Variants in NMNAT1 observed in about 807,000 individuals in gnomAD.
The protein encoded by NMNAT1 is nicotinamide/nicotinic acid mononucleotide adenylyltransferase 1.
NMNAT1 carries 11 observed loss-of-function variants against 16.7 expected under a neutral mutation model. The observed-to-expected ratio is 0.66, with a 90% CI of 0.41 to 1.09. NMNAT1 has a LOEUF of 1.09. Among genes scored for constraint, NMNAT1 ranks in the 50% least tolerant of loss-of-function variants. NMNAT1 has a pLI of 0.00. For missense variants in NMNAT1, 280 were observed against 332.3 expected, an observed-to-expected ratio of 0.84 and a Z score of 1.22; for synonymous variants, 110 against 119.8, an observed-to-expected ratio of 0.92 and a Z score of 0.53.
chr1:9,993,168 G>A, the NMNAT1 span, among the ~76,000 whole-genome samples: 1 of 151,802 alleles, frequency 6.6e-6, no homozygotes, highest in African/African-American at 2.4e-5. Context: ...GAGAGAGAGT[G>A]CAAATTTCCT....
downstream of NMNAT1, among the ~76,000 whole-genome samples, chr1:9,988,918 A>T (rs986804524): frequency 1.3e-5 from 2 of 151,820 alleles, no homozygotes; most frequent in African/African-American, 4.8e-5. Context: ...CTGCCCCTCC[A>T]AGTGCTGGAA....
chr1:9,977,664 C>G (rs1309092935), intron 3 of NMNAT1, among the ~76,000 whole-genome samples: 1 of 151,764 alleles, frequency 6.6e-6, no homozygotes, highest in African/African-American at 2.4e-5. Flanking sequence ...TCCAGTAGTT[C>G]AAGACAAGCC....
Position 9,983,882 on chromosome 1 carries a change from A to C in NMNAT1, c.*1181A>C, listed in dbSNP as rs1182145505. The C allele has an allele frequency of 6.6e-6, 1 of 152,148 alleles. No homozygotes were observed. Among genetic ancestry groups the C allele is most frequent in the Non-Finnish European group, 1.5e-5 (1 of 68,034 alleles). The allele number at this position is 152,148 out of a possible 1,614,324, so 9.4% of individuals were successfully genotyped here. ...CTACACCTAGTTCATCTGAAGTGTC[A>C]CGTAAACTGCAGAAAGTTTCCAATG... is the stretch of plus-strand genomic sequence containing the variant. On this transcript the variant is annotated 3_prime_UTR_variant, in exon 5 of 5. Coordinates refer to ENST00000377205, the MANE Select transcript of NMNAT1 (RefSeq NM_022787.4).
chr1:9,973,114 C>A (rs1414610483), intron 2 of NMNAT1, among the ~76,000 whole-genome samples: 1 of 151,920 alleles, frequency 6.6e-6, no homozygotes, highest in Admixed American at 6.6e-5. Flanking sequence ...TTTCTTTTTT[C>A]TTTCTTTCTT....
At chr1:9,982,161 C>A in intron 4 of NMNAT1, 140 bp from the exon 5 acceptor site, 1 of 1,157,666 alleles carries the variant, frequency 8.6e-7, no homozygotes, top group Non-Finnish European at 1.2e-6. Context: ...CCGCACTCGG[C>A]CTAAGCCCTC....
At chr1:9,987,480 A>G (rs1041766548), downstream of NMNAT1, among the ~76,000 whole-genome samples, 1 of 151,782 alleles carries the variant, frequency 6.6e-6, no homozygotes, top group Non-Finnish European at 1.5e-5. Flanking sequence ...CTCACTAAAA[A>G]TACAAAAAAT....
chr1:9,945,625 G>A (rs946696307), intron 1 of NMNAT1, among the ~76,000 whole-genome samples: 8 of 152,210 alleles, frequency 5.3e-5, no homozygotes, highest in Admixed American at 2.6e-4. Context: ...GCTTGAACCC[G>A]GCAGGCGGAG....
chr1:9,973,981 G>T (rs1419671590), intron 2 of NMNAT1, among the ~76,000 whole-genome samples: 4 of 151,750 alleles, frequency 2.6e-5, no homozygotes, highest in Non-Finnish European at 5.9e-5. Flanking sequence ...GGGATTACAG[G>T]CACACAGCAC....
At chr1:9,966,829 A>G (rs1171245802) in intron 1 of NMNAT1, among the ~76,000 whole-genome samples, 3 of 152,306 alleles carry the variant, frequency 2.0e-5, no homozygotes, top group Admixed American at 2.0e-4. Context: ...CAGGTTACAC[A>G]TAAAGGAACA....
At chr1:9,975,803 G>A (rs913728902) in intron 3 of NMNAT1, 28 bp downstream of exon 3, 2 of 1,564,738 alleles carry the variant, frequency 1.3e-6, no homozygotes. Flanking sequence ...AACTTTGTCA[G>A]TTCTGTGTAA....
chr1:9,982,504 G>T lies in NMNAT1; in HGVS notation c.643G>T (p.Glu215Ter), dbSNP rs1345605596. 6.2e-7 allele frequency: 1 copy of T among 1,614,156 alleles called. No individual in the cohort carries two copies. The highest frequency in any genetic ancestry group is 1.7e-5 in the Admixed American group (1 of 59,988). ...KHRSNIHVVN[E>*]WIANDISSTK... ...CCGGAGCAACATTCACGTGGTGAAT[G>T]AATGGATCGCTAATGACATCTCATC... Residue 215 changes from glutamate (E) to a stop codon, truncating the protein, a stop_gained, in exon 5 of 5, where the codon GAA becomes TAA. Coordinates refer to ENST00000377205, the MANE Select transcript of NMNAT1 (RefSeq NM_022787.4). LOFTEE classifies it high-confidence loss of function.
intron 1 of NMNAT1, among the ~76,000 whole-genome samples, chr1:9,952,171 G>A (rs539315205): frequency 3.9e-5 from 6 of 152,080 alleles, no homozygotes; most frequent in Admixed American, 6.6e-5. Context: ...GCATGGTGGC[G>A]GGCACCTGTA....
At chr1:9,978,881 C>T (rs1641872686) in intron 3 of NMNAT1, among the ~76,000 whole-genome samples, 1 of 152,190 alleles carries the variant, frequency 6.6e-6, no homozygotes, top group African/African-American at 2.4e-5. Flanking sequence ...TTTAAGGCCT[C>T]AGGCCCTTGC....
intron 1 of NMNAT1, among the ~76,000 whole-genome samples, chr1:9,969,205 A>T (rs528845283): frequency 6.6e-6 from 1 of 152,212 alleles, no homozygotes; most frequent in East Asian, 1.9e-4. Context: ...CTACCTACCC[A>T]CTCAGCCTGT....
chr1:9,969,092 C>T (rs1224300044), intron 1 of NMNAT1, among the ~76,000 whole-genome samples: 5 of 151,964 alleles, frequency 3.3e-5, no homozygotes, highest in Non-Finnish European at 5.9e-5. Context: ...GTTATATAGG[C>T]GGGAAATTGT....
At chr1:9,965,190 G>A (rs532035794) in intron 1 of NMNAT1, among the ~76,000 whole-genome samples, 25 of 149,030 alleles carry the variant, frequency 1.7e-4, no homozygotes, top group South Asian at 4.2e-4. Flanking sequence ...GGTGGCGTGG[G>A]CCTGTAGTCC....
chr1:9,981,240 ATTTT>A (rs747818869), intron 4 of NMNAT1, 70 bp downstream of exon 4: 4 of 1,386,546 alleles, frequency 2.9e-6, no homozygotes, highest in Non-Finnish European at 2.9e-6. Flanking sequence ...ACCCCTGTGT[ATTTT>A]TTTTTTTTTA....
At chr1:9,953,424 G>A (rs1253667664) in intron 1 of NMNAT1, among the ~76,000 whole-genome samples, 1 of 148,526 alleles carries the variant, frequency 6.7e-6, no homozygotes, top group Non-Finnish European at 1.5e-5. Context: ...TTACAGGCCT[G>A]CACCACCACA....
chr1:9,977,588 C>G (rs78991739), intron 3 of NMNAT1, among the ~76,000 whole-genome samples: 4,728 of 151,752 alleles, frequency 0.031, 105 homozygotes, highest in Non-Finnish European at 0.052. Flanking sequence ...GAGCTGAGGC[C>G]GGGCGTGGTA....
Sources: gnomAD v4.1 joint callset for allele counts (sites outside exome capture counted in the v4.1 genomes callset) on GRCh38, gnomAD v4.1.1 for gene constraint, MANE v1.5 for transcripts, NCBI Gene and HGNC (gene_info 2026-07-23, HGNC 2026-07-21) for gene names.